ANKRD13D: variants seen among roughly 807,000 people sequenced by gnomAD.
ANKRD13D encodes ankyrin repeat domain-containing protein 13D.
In ANKRD13D, 24 loss-of-function variants were observed where a neutral mutation model predicts 68.8. The observed-to-expected ratio is 0.35, with a 90% confidence interval of 0.25 to 0.49. The LOEUF is 0.49. ANKRD13D is among the 20% of genes least tolerant of loss of function. The pLI is 0.99. For synonymous variants in ANKRD13D, 331 were observed against 336.1 expected, an observed-to-expected ratio of 0.98 and a Z score of 0.16; for missense variants, 735 against 832.1, an observed-to-expected ratio of 0.88 and a Z score of 1.44.
At chr11:67,294,069 C>G (rs1860676523) in intron 6 of ANKRD13D, among the ~76,000 whole-genome samples, 1 of 152,142 alleles carries the variant, frequency 6.6e-6, no homozygotes, top group Non-Finnish European at 1.5e-5. Flanking sequence ...TTTCTGACTC[C>G]CACATTAGTT....
Position 67,290,078 on chromosome 11 carries a change from C to A in ANKRD13D, c.91C>A (p.His31Asn). 6.5e-7 allele frequency: 1 copy of A among 1,536,782 alleles called. No individual in the cohort carries two copies. Among genetic ancestry groups the A allele is most frequent in the South Asian group, 1.2e-5 (1 of 84,002 alleles). The change falls in exon 2 of 15, where the codon CAC becomes AAC. Residue 31 changes from histidine to asparagine, a missense_variant and splice_region_variant. Physicochemically the swap from His to Asn is moderately conservative, Grantham distance 68. Coordinates refer to ENST00000511455, the MANE Select transcript of ANKRD13D (RefSeq NM_207354.3). The stretch of plus-strand genomic sequence containing the variant: ...TTTGTGAGTGTCCCGTCTCCCCCAG[C>A]ACGACATTGAACAGGAGGACCCCCG... ...ELEAALHSHQ[H>N]DIEQEDPRGR...
In ANKRD13D at chr11:67,299,362, A is replaced by T; in HGVS notation, c.799-168A>T. The T allele has an allele frequency of 1.4e-6, 1 of 711,592 alleles. No individual in the cohort carries two copies. Among genetic ancestry groups the T allele is most frequent in the Non-Finnish European group, 2.4e-6 (1 of 423,806 alleles). The allele number at this position is 711,592 out of a possible 1,614,324, so 44.1% of individuals were successfully genotyped here. A position where few individuals can be genotyped will look rare whatever the true frequency, so the allele number is the denominator to read the frequency against. The stretch of plus-strand genomic sequence containing the variant: ...GTGTTCCTCTTGACCCTGGGGCTGC[A>T]TCTCCTCGTTGGTGACTTCCTGGGG... On this transcript the variant is annotated intron_variant, in intron 7 of 14. Coordinates refer to ENST00000511455, the MANE Select transcript of ANKRD13D (RefSeq NM_207354.3). The surrounding 1 kb of genome is among the most constrained non-coding windows in gnomAD (Gnocchi z 6.2).
In ANKRD13D at chr11:67,299,260, G is replaced by A; in HGVS notation, c.798+136G>A. 1.8e-6 allele frequency: 2 copies of A among 1,088,010 alleles called. No individual in the cohort carries two copies. Among genetic ancestry groups the A allele is most frequent in the Non-Finnish European group, 2.7e-6 (2 of 734,064 alleles). 67.4% of individuals were successfully genotyped at this position (1,088,010 alleles called of 1,614,324 possible). A position where few individuals can be genotyped will look rare whatever the true frequency, so the allele number is the denominator to read the frequency against. ...TTGTGGGAACTCAGCGGGCCTGAGT[G>A]CCCAGCCCCTGCGGAGTACACAGGG... On this transcript the variant is annotated intron_variant, in intron 7 of 14. Transcript: ENST00000511455. This position sits in a 1 kb window ranked among gnomAD's most constrained non-coding sequence, Gnocchi z 6.2.
chr11:67,289,945 C>T (rs1860462512), intron 1 of ANKRD13D, 133 bp from the exon 2 acceptor site: 9 of 1,445,274 alleles, frequency 6.2e-6, no homozygotes, highest in Non-Finnish European at 8.2e-6. Flanking sequence ...GACACGCAGG[C>T]CACCCTCTGC....
At chr11:67,295,374 G>A (rs111349378) in intron 6 of ANKRD13D, among the ~76,000 whole-genome samples, 11 of 151,506 alleles carry the variant, frequency 7.3e-5, no homozygotes, top group Admixed American at 6.6e-5. Context: ...CCAAAATCAC[G>A]CCACTTCACT....
At position 67,291,640 on chromosome 11, in the gene ANKRD13D, C is replaced by T. The variant is rs1409486384; in HGVS notation, c.435C>T (p.Tyr145=). The T allele has an allele frequency of 1.2e-5, 19 of 1,614,114 alleles. No homozygotes were observed. The highest frequency in any genetic ancestry group is 1.6e-5 in the Non-Finnish European group (19 of 1,180,040). Residue 145 remains tyrosine, a synonymous_variant, in exon 5 of 15, where the codon TAC becomes TAT. Coordinates refer to ENST00000511455, the MANE Select transcript of ANKRD13D (RefSeq NM_207354.3). ...LVSKMCPSDV[Y]RVWKRGESLR... ...CTAAGATGTGCCCAAGCGATGTGTA[C>T]CGCGTGTGGAAGCGGGGTGAGAGCC...
chr11:67,290,675 G>T (rs546213864), intron 3 of ANKRD13D: 2 of 587,248 alleles, frequency 3.4e-6, no homozygotes, highest in East Asian at 3.2e-5. Context: ...GCCAGCTTTG[G>T]GCCTCCTGAA....
At chr11:67,291,351 CAAAAAAAAAAA>C (rs369072835) in intron 3 of ANKRD13D, 114 bp from the exon 4 acceptor site, 4 of 500,720 alleles carry the variant, frequency 8.0e-6, no homozygotes, top group Admixed American at 4.9e-5. Context: ...GAGCAAGTCT[CAAAAAAAAAAA>C]AAAAAAAAAA....
chr11:67,302,058 G>T, intron 14 of ANKRD13D, 61 bp from the exon 15 acceptor site: 1 of 1,473,042 alleles, frequency 6.8e-7, no homozygotes, highest in Non-Finnish European at 9.0e-7. Flanking sequence ...CAGCCCCTCG[G>T]CTTCTGCCCC....
chr11:67,301,585 G>T lies in ANKRD13D; in HGVS notation c.1446G>T (p.Glu482Asp). 6.2e-7 allele frequency: 1 copy of T among 1,612,948 alleles called. No individual in the cohort carries two copies. Residue 482 changes from glutamate (E) to aspartate (D), a missense_variant, in exon 13 of 15, where the codon GAG becomes GAT. Transcript: ENST00000511455. The surrounding 1 kb of genome is among the most constrained non-coding windows in gnomAD (Gnocchi z 4.5). ...GMERNEPLRD[E>D]DDDLLQFAIQ... ...AGCGCAACGAGCCCCTCCGGGACGA[G>T]GACGATGACCTCCTGCAGTTCGCCA...
rs777021491 is a variant in ANKRD13D at position 67,290,318 on chromosome 11, G to A, written c.227-4G>A. On this transcript the variant is annotated splice_polypyrimidine_tract_variant and splice_region_variant and intron_variant, in intron 2 of 14. Coordinates refer to ENST00000511455, the MANE Select transcript of ANKRD13D (RefSeq NM_207354.3). Reference sequence around the variant, plus strand: ...GGCTCCCCTCAGCAGCCTGGTGCCCGCAGTCCTGCAGGAGGCAGTCAGCAC... The same window carrying A: ...GGCTCCCCTCAGCAGCCTGGTGCCCACAGTCCTGCAGGAGGCAGTCAGCAC... 17 of 1,549,974 alleles carry A rather than the reference G, an allele frequency of 1.1e-5. No homozygotes were observed. Among genetic ancestry groups the A allele is most frequent in the Admixed American group, 2.0e-5 (1 of 50,996 alleles).
intron 6 of ANKRD13D, among the ~76,000 whole-genome samples, chr11:67,297,571 G>A (rs1860805191): frequency 6.7e-6 from 1 of 149,728 alleles, no homozygotes; most frequent in African/African-American, 2.5e-5. Context: ...TGTCGCCCAG[G>A]CTGGAGTGCA....
Position 67,300,748 on chromosome 11 carries a change from G to A in ANKRD13D, c.1074-242G>A. 1 of 587,254 alleles carries A rather than the reference G, an allele frequency of 1.7e-6. No individual in the cohort carries two copies. The highest frequency in any genetic ancestry group is 3.0e-6 in the Non-Finnish European group (1 of 333,276). The allele number at this position is 587,254 out of a possible 1,614,324, so 36.4% of individuals were successfully genotyped here. ...GCCTGGCACCTGGCCTCCTTGTCCA[G>A]ACCAGATGAGCTGGTACGAAATCCT... On this transcript the variant is annotated intron_variant, in intron 10 of 14. Coordinates refer to ENST00000511455, the MANE Select transcript of ANKRD13D (RefSeq NM_207354.3). This position sits in a 1 kb window ranked among gnomAD's most constrained non-coding sequence, Gnocchi z 4.3.
chr11:67,302,328 A>C lies in ANKRD13D; in HGVS notation c.1814A>C (p.His605Pro), dbSNP rs1861048792. 6.6e-7 allele frequency: 1 copy of C among 1,523,416 alleles called. No individual in the cohort carries two copies. Among genetic ancestry groups the C allele is most frequent in the Non-Finnish European group, 8.9e-7 (1 of 1,127,698 alleles). 94.4% of individuals were successfully genotyped at this position (1,523,416 alleles called of 1,614,324 possible). Residue 605 changes from histidine (H) to proline (P), a missense_variant, in exon 15 of 15, where the codon CAC becomes CCC. His to Pro is a moderately conservative substitution (Grantham distance 77). Coordinates refer to ENST00000511455, the MANE Select transcript of ANKRD13D (RefSeq NM_207354.3). ...ATCCTGCAGCTGTCACTCACTGAGC[A>C]CTGAGCCATAGCCCCGGGAGGGCTG... ...QRILQLSLTE[H>P]
chr11:67,290,457 GCA>G lies in ANKRD13D; in HGVS notation c.351+14_351+15del, dbSNP rs747951763. The G allele has an allele frequency of 3.2e-6, 5 of 1,567,228 alleles. No individual in the cohort carries two copies. In the South Asian group the frequency reaches 5.9e-5, roughly 18 times the overall value. ...AACAAACTTCGCCAGGTACAGCAGG[GCA>G]CAGTTATGGAGGTGGGGTACCATGG... On this transcript the variant is annotated intron_variant, in intron 3 of 14. Transcript: ENST00000511455.
intron 6 of ANKRD13D, among the ~76,000 whole-genome samples, chr11:67,293,563 A>G (rs1860659473): frequency 6.6e-6 from 1 of 152,176 alleles, no homozygotes; most frequent in Non-Finnish European, 1.5e-5. Flanking sequence ...GTGCAGTGAC[A>G]TGATCATGGC....
In ANKRD13D at chr11:67,301,331, G is replaced by C. The variant is rs1338553199; in HGVS notation, c.1281G>C (p.Leu427=). Residue 427 remains leucine (L), a synonymous_variant, in exon 12 of 15, where the codon CTG becomes CTC. Coordinates refer to ENST00000511455, the MANE Select transcript of ANKRD13D (RefSeq NM_207354.3). The surrounding 1 kb of genome is among the most constrained non-coding windows in gnomAD (Gnocchi z 4.5). ...ATGCCCGCATCACCTTCAGCAACCTGTGTGGCTGTGATGAGCCCCTGAGCT... is the reference window on the plus strand; with the variant it reads ...ATGCCCGCATCACCTTCAGCAACCTCTGTGGCTGTGATGAGCCCCTGAGCT... ...VLNARITFSN[L]CGCDEPLSSV... 3 of 1,613,826 alleles carry C rather than the reference G, an allele frequency of 1.9e-6. No homozygotes were observed. Among genetic ancestry groups the C allele is most frequent in the Middle Eastern group, 1.7e-4 (1 of 6,060 alleles).
chr11:67,294,521 T>C (rs1860689984), intron 6 of ANKRD13D, among the ~76,000 whole-genome samples: 1 of 152,092 alleles, frequency 6.6e-6, no homozygotes, highest in Admixed American at 6.6e-5. Context: ...TGTTTTATTC[T>C]GTTTTTTGTT....
In ANKRD13D at chr11:67,299,789, A is replaced by G. The variant is rs780644579; in HGVS notation, c.881-38A>G. 2.3e-5 allele frequency: 35 copies of G among 1,533,430 alleles called. No individual in the cohort carries two copies. In the South Asian group the frequency reaches 2.4e-4, roughly 11 times the overall value. 95.0% of individuals were successfully genotyped at this position (1,533,430 alleles called of 1,614,324 possible). A position where few individuals can be genotyped will look rare whatever the true frequency, so the allele number is the denominator to read the frequency against. On this transcript the variant is annotated intron_variant, in intron 8 of 14. Coordinates refer to ENST00000511455, the MANE Select transcript of ANKRD13D (RefSeq NM_207354.3). This position sits in a 1 kb window ranked among gnomAD's most constrained non-coding sequence, Gnocchi z 6.2. ...GGAGGTGGGCAGGGGCGATGCGAGCATTGTGACCCCTTACCAGCTCCCACC... is the reference window on the plus strand; with the variant it reads ...GGAGGTGGGCAGGGGCGATGCGAGCGTTGTGACCCCTTACCAGCTCCCACC...
Sources: gnomAD v4.1 joint callset for allele counts (sites outside exome capture counted in the v4.1 genomes callset) on GRCh38, gnomAD v4.1.1 for gene constraint, Gnocchi (gnomAD v3.1) non-coding constraint, MANE v1.5 for transcripts, NCBI Gene and HGNC (gene_info 2026-07-23, HGNC 2026-07-21) for gene names.